The following CDC42BPB variants were observed in gnomAD, a reference collection of about 807,000 sequenced individuals.
CDC42BPB encodes serine/threonine-protein kinase MRCK beta.
In CDC42BPB, 37 loss-of-function variants were observed where a neutral mutation model predicts 214.9. The observed-to-expected ratio is 0.17, with a 90% confidence interval of 0.13 to 0.23. CDC42BPB has a LOEUF of 0.23. Among genes scored for constraint, CDC42BPB ranks in the 10% least tolerant of loss-of-function variants. The probability of loss-of-function intolerance (pLI) is 1.00; values close to 1 mark genes in which losing one functional copy is unlikely to be tolerated. For synonymous variants in CDC42BPB, 931 were observed against 884.0 expected, an observed-to-expected ratio of 1.05 and a Z score of -0.94; for missense variants, 1,694 against 2,227.0, an observed-to-expected ratio of 0.76 and a Z score of 4.82.
chr14:102,968,506 A>T lies in CDC42BPB; in HGVS notation c.2206T>A (p.Leu736Ile). The T allele has an allele frequency of 1.2e-6, 2 of 1,614,126 alleles. No individual in the cohort carries two copies. Among genetic ancestry groups the T allele is most frequent in the Non-Finnish European group, 1.7e-6 (2 of 1,180,030 alleles). ...TTTGACTTTTCTAACTTATCTTTTA[A>T]CATCAAGATTTCTTTCTGCAGGGCC... ...QLALQKEILM[L>I]KDKLEKSKRE... is the part of the protein sequence containing the mutation. Residue 736 changes from leucine (L) to isoleucine (I), a missense_variant, in exon 15 of 37, where the codon TTA becomes ATA. Leu to Ile is a conservative substitution (Grantham distance 5). Transcript: ENST00000361246.
chr14:102,979,938 T>C (rs1386897060), intron 8 of CDC42BPB, among the ~76,000 whole-genome samples: 6 of 152,204 alleles, frequency 3.9e-5, no homozygotes, highest in Non-Finnish European at 8.8e-5. Context: ...GTGCGGAGAC[T>C]CAAAATCTGC....
intron 1 of CDC42BPB, among the ~76,000 whole-genome samples, chr14:103,036,477 C>G (rs1210849989): frequency 6.6e-6 from 1 of 152,096 alleles, no homozygotes; most frequent in Non-Finnish European, 1.5e-5. Context: ...AAACACAAGA[C>G]TGAAAGCTTC....
At chr14:103,003,503 C>A (rs1895086516) in intron 4 of CDC42BPB, among the ~76,000 whole-genome samples, 1 of 151,688 alleles carries the variant, frequency 6.6e-6, no homozygotes. Context: ...GCCTGGGGCA[C>A]CCCCCCCACC....
chr14:102,958,307 T>G (rs1483777184), intron 21 of CDC42BPB, among the ~76,000 whole-genome samples: 5 of 152,178 alleles, frequency 3.3e-5, no homozygotes, highest in Admixed American at 3.3e-4. Context: ...TCAAGTCGCT[T>G]TCAAATACTT....
At chr14:103,015,429 G>C (rs941212416) in intron 1 of CDC42BPB, among the ~76,000 whole-genome samples, 1 of 152,114 alleles carries the variant, frequency 6.6e-6, no homozygotes, top group African/African-American at 2.4e-5. Context: ...AGAGGCTGCA[G>C]TGAGCCAAGA....
At chr14:102,941,854 T>C (rs1470243267) in intron 30 of CDC42BPB, among the ~76,000 whole-genome samples, 1 of 152,178 alleles carries the variant, frequency 6.6e-6, no homozygotes, top group African/African-American at 2.4e-5. Flanking sequence ...CACAGGGCAC[T>C]AGCAAAGGGT....
At chr14:103,003,844 T>C in intron 4 of CDC42BPB, 84 bp downstream of exon 4, 1 of 1,104,636 alleles carries the variant, frequency 9.1e-7, no homozygotes. Flanking sequence ...CAGTTCCACA[T>C]TGTCTGACTG....
chr14:103,020,669 TGA>T (rs941949620), intron 1 of CDC42BPB, among the ~76,000 whole-genome samples: 1 of 151,878 alleles, frequency 6.6e-6, no homozygotes, highest in Non-Finnish European at 1.5e-5. Context: ...TGAACCCCCG[TGA>T]GAGAGAGAGC....
Position 102,933,562 on chromosome 14 carries a change from C to G in CDC42BPB, c.*150G>C, listed in dbSNP as rs540652024. The G allele has an allele frequency of 7.9e-6, 5 of 631,104 alleles. No individual in the cohort carries two copies. In the East Asian group the frequency reaches 1.4e-4, roughly 17 times the overall value. 39.1% of individuals were successfully genotyped at this position (631,104 alleles called of 1,614,324 possible). A position where few individuals can be genotyped will look rare whatever the true frequency, so the allele number is the denominator to read the frequency against. The stretch of plus-strand genomic sequence containing the variant: ...ACGAACAATGCGGCATAAAACTGAT[C>G]AATATTATAATAAAGATTTGTCTTC... On this transcript the variant is annotated 3_prime_UTR_variant, in exon 37 of 37. Coordinates refer to ENST00000361246, the MANE Select transcript of CDC42BPB (RefSeq NM_006035.4).
Position 102,968,270 on chromosome 14 carries a change from T to C in CDC42BPB, c.2329A>G (p.Thr777Ala), listed in dbSNP as rs1464333227. The C allele has an allele frequency of 6.2e-7, 1 of 1,612,986 alleles. No individual in the cohort carries two copies. The highest frequency in any genetic ancestry group is 8.5e-7 in the Non-Finnish European group (1 of 1,179,206). ...TTAATTACCTTTTCATTTTCAGCAG[T>C]TAGCTTCTTGTTTTCATCAAACAGC... is the stretch of plus-strand genomic sequence containing the variant. ...AMLFDENKKL[T>A]AENEKLCSFV... The change falls in exon 16 of 37, where the codon ACT becomes GCT. Residue 777 changes from threonine (T) to alanine (A), a missense_variant. Thr to Ala is a moderately conservative substitution (Grantham distance 58). This residue lies in a region of CDC42BPB where 462 missense variants were observed against 513.5 expected (regional missense o/e 0.90). Coordinates refer to ENST00000361246, the MANE Select transcript of CDC42BPB (RefSeq NM_006035.4).
rs371958389 is a variant in CDC42BPB at position 103,004,036 on chromosome 14, G to A, written c.352-13C>T. On this transcript the variant is annotated splice_polypyrimidine_tract_variant and intron_variant, in intron 3 of 36. Transcript: ENST00000361246. The surrounding 1 kb of genome is among the most constrained non-coding windows in gnomAD (Gnocchi z 5.3). ...GGAAGCACGCGGTCTGCAAAGCAACGAGGGGTGTCAGTCTGTGTTCACTGG... is the reference window on the plus strand; with the variant it reads ...GGAAGCACGCGGTCTGCAAAGCAACAAGGGGTGTCAGTCTGTGTTCACTGG... The A allele has an allele frequency of 4.1e-5, 66 of 1,590,612 alleles. No homozygotes were observed. The South Asian group carries it at 5.5e-4, about 13-fold the overall frequency.
intron 9 of CDC42BPB, 98 bp downstream of exon 9, chr14:102,978,028 C>T: frequency 1.1e-6 from 1 of 911,498 alleles, no homozygotes; most frequent in African/African-American, 1.6e-5. Flanking sequence ...AGCGCACACA[C>T]CACCCACTAG....
intron 1 of CDC42BPB, among the ~76,000 whole-genome samples, chr14:103,035,764 C>T (rs1219191728): frequency 1.3e-5 from 2 of 151,910 alleles, no homozygotes; most frequent in African/African-American, 4.8e-5. Context: ...GGCATGAACC[C>T]GGGAGGCGGA....
At chr14:102,987,788 A>AACACACACAC (rs57579935) in intron 5 of CDC42BPB, among the ~76,000 whole-genome samples, 1,490 of 140,724 alleles carry the variant, frequency 0.011, 21 homozygotes, top group East Asian at 0.024. Flanking sequence ...CAAACACACA[A>AACACACACAC]ACACACACAC....
At chr14:103,020,446 C>T (rs924878752) in intron 1 of CDC42BPB, among the ~76,000 whole-genome samples, 1 of 152,184 alleles carries the variant, frequency 6.6e-6, no homozygotes, top group Non-Finnish European at 1.5e-5. Flanking sequence ...GCTGCTGGAG[C>T]GCGGGGGCAG....
At position 102,983,159 on chromosome 14, in the gene CDC42BPB, G is replaced by A. The variant is rs550722716; in HGVS notation, c.891+397C>T. ...CTAACCAGTGAATCTAGAGCCACAG[G>A]TCAAAGGGCCCACCTGGACCTCCCC... On this transcript the variant is annotated intron_variant, in intron 7 of 36. Transcript: ENST00000361246. Among the ~76,000 whole-genome samples, 697 of 152,252 alleles carry A rather than the reference G, an allele frequency of 4.6e-3. 6 individuals carry two copies. The highest frequency in any genetic ancestry group is 0.016 in the African/African-American group (673 of 41,538).
chr14:102,955,434 G>C (rs1892669186), intron 21 of CDC42BPB, among the ~76,000 whole-genome samples: 1 of 152,158 alleles, frequency 6.6e-6, no homozygotes, highest in Non-Finnish European at 1.5e-5. Context: ...AAAAGAGAAA[G>C]AAGAAAAGAT....
chr14:103,032,778 A>G (rs899094650), intron 1 of CDC42BPB, among the ~76,000 whole-genome samples: 1 of 151,516 alleles, frequency 6.6e-6, no homozygotes, highest in Admixed American at 6.6e-5. Flanking sequence ...GATTACAGGC[A>G]TGCAGCACCA....
intron 6 of CDC42BPB, chr14:102,983,977 C>CT: frequency 3.8e-6 from 3 of 788,480 alleles, no homozygotes; most frequent in Non-Finnish European, 4.6e-6. Flanking sequence ...ACCGCTTGAG[C>CT]CCAGGAGCTC....
Sources: gnomAD v4.1 joint callset for allele counts (sites outside exome capture counted in the v4.1 genomes callset) on GRCh38, gnomAD v4.1.1 for gene constraint, gnomAD v4.1.1 regional missense constraint, Gnocchi (gnomAD v3.1) non-coding constraint, MANE v1.5 for transcripts, NCBI Gene and HGNC (gene_info 2026-07-23, HGNC 2026-07-21) for gene names.